FAAH2: variants seen among roughly 807,000 people sequenced by gnomAD.
The protein encoded by FAAH2 is fatty acid amide hydrolase 2.
Under a neutral mutation model 36.9 loss-of-function variants are expected in FAAH2, and 60 were observed. The observed-to-expected ratio is 1.63, with a 90% CI of 1.32 to 2.02. The LOEUF is 2.02. Among genes scored for constraint, FAAH2 ranks in the 30% most tolerant of loss-of-function variants. The pLI is 0.00. For synonymous variants in FAAH2, 214 were observed against 143.8 expected (o/e 1.49, Z -3.49); for missense variants, 689 against 397.5 (o/e 1.73, Z -6.23).
At chrX:57,331,182 C>T (rs759714909) in intron 3 of FAAH2, among the ~76,000 whole-genome samples, 2 of 111,918 alleles carry the variant, frequency 1.8e-5, no homozygotes, top group African/African-American at 3.2e-5. Flanking sequence ...TTGAGTTCTG[C>T]CCCTACCACT....
the FAAH2 span, among the ~76,000 whole-genome samples, chrX:57,139,042 GT>G: frequency 3.6e-5 from 4 of 111,785 alleles, no homozygotes; most frequent in Admixed American, 1.9e-4. Context: ...TTCCTTTGCT[GT>G]GCAGAAGCTT....
intron 7 of FAAH2, 142 bp downstream of exon 7, chrX:57,381,171 G>A (rs1276868491): frequency 2.5e-6 from 1 of 399,302 alleles, no homozygotes; most frequent in South Asian, 5.6e-5. Context: ...AAGGAATTTT[G>A]GATGTAATTT....
intron 3 of FAAH2, among the ~76,000 whole-genome samples, chrX:57,315,032 T>TA (rs1200934103): frequency 1.8e-5 from 2 of 110,795 alleles, no homozygotes; most frequent in African/African-American, 6.5e-5. Flanking sequence ...CTACCTAGAT[T>TA]AAAAAAGAAA....
At chrX:57,170,447 A>T in the FAAH2 span, among the ~76,000 whole-genome samples, 1 of 110,744 alleles carries the variant, frequency 9.0e-6, no homozygotes, top group Admixed American at 9.7e-5. Context: ...TAATTTTTTT[A>T]TTTTGGTAAC....
chrX:57,450,698 G>T (rs2147186487), intron 10 of FAAH2, among the ~76,000 whole-genome samples: 1 of 110,774 alleles, frequency 9.0e-6, no homozygotes, highest in South Asian at 3.8e-4. Flanking sequence ...TTACAAGATG[G>T]GTACACTAAA....
intron 10 of FAAH2, among the ~76,000 whole-genome samples, chrX:57,456,862 T>C (rs1352738344): frequency 9.0e-6 from 1 of 111,276 alleles, no homozygotes; most frequent in Non-Finnish European, 1.9e-5. Flanking sequence ...CTACCAGACA[T>C]ATAAGGAAAA....
the FAAH2 span, among the ~76,000 whole-genome samples, chrX:57,132,558 G>A: frequency 2.6e-4 from 29 of 112,296 alleles, no homozygotes; most frequent in Non-Finnish European, 4.3e-4. Flanking sequence ...AACATGCAGC[G>A]TGTACCTGAA....
chrX:57,345,003 A>T (rs1022332868), intron 5 of FAAH2, among the ~76,000 whole-genome samples: 6 of 109,132 alleles, frequency 5.5e-5, no homozygotes, highest in South Asian at 3.9e-4. Context: ...TTTTGTTGAA[A>T]TTTTTTCTGT....
chrX:57,170,766 G>A, the FAAH2 span, among the ~76,000 whole-genome samples: 5 of 109,563 alleles, frequency 4.6e-5, no homozygotes, highest in South Asian at 4.0e-4. Context: ...ATGCAGTGGC[G>A]TGATCTTGGC....
intron 3 of FAAH2, among the ~76,000 whole-genome samples, chrX:57,322,990 C>G (rs1434514639): frequency 9.1e-6 from 1 of 110,396 alleles, no homozygotes; most frequent in African/African-American, 3.3e-5. Flanking sequence ...CCACTTTCCC[C>G]ACCCCACAAC....
chrX:57,125,999 A>G, the FAAH2 span, among the ~76,000 whole-genome samples: 1 of 112,379 alleles, frequency 8.9e-6, no homozygotes, highest in South Asian at 3.7e-4. Flanking sequence ...AGAATGTTCA[A>G]GCTACAACTA....
chrX:57,382,880 G>T (rs867194870), intron 7 of FAAH2, among the ~76,000 whole-genome samples: 61 of 111,333 alleles, frequency 5.5e-4, no homozygotes, highest in African/African-American at 1.9e-3. Flanking sequence ...CCAAGAAAGA[G>T]AATTTTAGGC....
At chrX:57,309,615 C>T (rs1192677264) in intron 2 of FAAH2, among the ~76,000 whole-genome samples, 1 of 111,383 alleles carries the variant, frequency 9.0e-6, no homozygotes, top group Non-Finnish European at 1.9e-5. Flanking sequence ...GCTCTTTCCA[C>T]CCCTGAGAGG....
chrX:57,156,166 A>G, the FAAH2 span, among the ~76,000 whole-genome samples: 6 of 112,175 alleles, frequency 5.3e-5, no homozygotes, highest in South Asian at 2.2e-3. Context: ...TGTTATTGAC[A>G]CACATGCATT....
intron 10 of FAAH2, among the ~76,000 whole-genome samples, chrX:57,465,244 T>C (rs751336682): frequency 9.0e-6 from 1 of 111,242 alleles, no homozygotes; most frequent in African/African-American, 3.2e-5. Context: ...ATAAACAGTC[T>C]CAGGGACCAT....
chrX:57,193,897 A>G, the FAAH2 span, among the ~76,000 whole-genome samples: 50 of 111,709 alleles, frequency 4.5e-4, no homozygotes, highest in Middle Eastern at 4.6e-3. Flanking sequence ...TGATCTTTTT[A>G]ATGTATTGTT....
intron 7 of FAAH2, chrX:57,392,705 G>A (rs112568662): frequency 3.2e-6 from 2 of 616,609 alleles, no homozygotes; most frequent in Non-Finnish European, 5.6e-6. Context: ...AAACAGGGCT[G>A]GGTGGGGAGT....
chrX:57,150,252 G>A, the FAAH2 span, among the ~76,000 whole-genome samples: 2 of 112,052 alleles, frequency 1.8e-5, no homozygotes, highest in East Asian at 2.8e-4. Flanking sequence ...TTGGGGTGGA[G>A]AGTTCTGTAG....
At chrX:57,427,300 A>G (rs946821412) in intron 7 of FAAH2, among the ~76,000 whole-genome samples, 18 of 111,124 alleles carry the variant, frequency 1.6e-4, no homozygotes, top group African/African-American at 4.9e-4. Flanking sequence ...TTACAGCTCA[A>G]TTCTACCCAA....
Sources: gnomAD v4.1 joint callset for allele counts (sites outside exome capture counted in the v4.1 genomes callset) on GRCh38, gnomAD v4.1.1 for gene constraint, MANE v1.5 for transcripts, NCBI Gene and HGNC (gene_info 2026-07-23, HGNC 2026-07-21) for gene names.